The following PDGFC variants were observed in gnomAD, a reference collection of about 807,000 sequenced individuals.
PDGFC encodes platelet derived growth factor C, also known as platelet-derived growth factor C.
PDGFC carries 12 observed loss-of-function variants against 35.5 expected under a neutral mutation model. That is an observed-to-expected ratio of 0.34 (90% confidence interval 0.22 to 0.55). The LOEUF (loss-of-function observed/expected upper bound fraction) is 0.55, where lower values mean the gene tolerates loss of function less well. Ranked by LOEUF, PDGFC falls within the 20% of genes least tolerant of loss-of-function variation. The probability of loss-of-function intolerance (pLI) is 0.91; values close to 1 mark genes in which losing one functional copy is unlikely to be tolerated. For missense variants in PDGFC, 322 were observed against 412.4 expected, an observed-to-expected ratio of 0.78 and a Z score of 1.90; for synonymous variants, 159 against 148.8, an observed-to-expected ratio of 1.07 and a Z score of -0.50.
In PDGFC at chr4:156,762,003, T is replaced by C. The variant is rs1730388684; in HGVS notation, c.*1087A>G. 6.6e-6 allele frequency: 1 copy of C among 152,670 alleles called. No individual in the cohort carries two copies. 9.5% of individuals were successfully genotyped at this position (152,670 alleles called of 1,614,324 possible). A position where few individuals can be genotyped will look rare whatever the true frequency, so the allele number is the denominator to read the frequency against. ...TAGGTTAGTAATGGCTGGATCTGAA[T>C]GTCTACTTTCATAAGTTGCTTTTTA... is the stretch of plus-strand genomic sequence containing the variant. On this transcript the variant is annotated 3_prime_UTR_variant, in exon 6 of 6. Transcript: ENST00000502773.
intron 2 of PDGFC, among the ~76,000 whole-genome samples, chr4:156,831,007 A>G (rs1369906783): frequency 1.3e-5 from 2 of 152,086 alleles, no homozygotes; most frequent in Non-Finnish European, 2.9e-5. Flanking sequence ...TTACTATTCA[A>G]TGCTTTCCAG....
intron 3 of PDGFC, among the ~76,000 whole-genome samples, chr4:156,788,860 T>G (rs112121052): frequency 6.6e-6 from 1 of 152,240 alleles, no homozygotes; most frequent in African/African-American, 2.4e-5. Context: ...TTGTGCAAAA[T>G]ATTATGAAAA....
intron 1 of PDGFC, among the ~76,000 whole-genome samples, chr4:156,860,120 C>T (rs996683228): frequency 6.6e-6 from 1 of 152,120 alleles, no homozygotes; most frequent in Non-Finnish European, 1.5e-5. Context: ...ACTGAACTGA[C>T]TTTATGAGGC....
At chr4:156,805,564 C>G (rs955187727) in intron 3 of PDGFC, among the ~76,000 whole-genome samples, 2 of 151,972 alleles carry the variant, frequency 1.3e-5, no homozygotes, top group Non-Finnish European at 2.9e-5. Context: ...TTATATTGCT[C>G]TAAGTATTTT....
At chr4:156,803,727 T>A (rs1274785027) in intron 3 of PDGFC, among the ~76,000 whole-genome samples, 1 of 152,118 alleles carries the variant, frequency 6.6e-6, no homozygotes, top group African/African-American at 2.4e-5. Context: ...CAAAATTAAC[T>A]GACAAAATTA....
chr4:156,801,097 T>C (rs900088641), intron 3 of PDGFC, among the ~76,000 whole-genome samples: 2 of 152,166 alleles, frequency 1.3e-5, no homozygotes, highest in African/African-American at 4.8e-5. Flanking sequence ...ATTGGTCTTT[T>C]GGATGTCCTT....
chr4:156,844,039 C>T (rs919031378), intron 2 of PDGFC, among the ~76,000 whole-genome samples: 22 of 152,264 alleles, frequency 1.4e-4, no homozygotes, highest in African/African-American at 4.6e-4. Flanking sequence ...CAAGTCCCCA[C>T]ACTGAAAAAT....
At chr4:156,946,849 G>T (rs1471283071) in intron 1 of PDGFC, among the ~76,000 whole-genome samples, 1 of 151,966 alleles carries the variant, frequency 6.6e-6, no homozygotes, top group Middle Eastern at 3.2e-3. Context: ...AGACTTTCTT[G>T]CCCTTGAAAA....
chr4:156,901,766 C>A (rs191160416), intron 1 of PDGFC, among the ~76,000 whole-genome samples: 2 of 151,976 alleles, frequency 1.3e-5, no homozygotes, highest in Non-Finnish European at 2.9e-5. Context: ...CGGTGTACCA[C>A]CACCCTGGGC....
intron 3 of PDGFC, among the ~76,000 whole-genome samples, chr4:156,810,202 A>C (rs2110942585): frequency 6.6e-6 from 1 of 151,942 alleles, no homozygotes; most frequent in Non-Finnish European, 1.5e-5. Flanking sequence ...TTATTAAATA[A>C]ATTTAAAAAT....
At chr4:156,816,848 C>A (rs72974681) in intron 2 of PDGFC, among the ~76,000 whole-genome samples, 1 of 152,048 alleles carries the variant, frequency 6.6e-6, no homozygotes, top group African/African-American at 2.4e-5. Flanking sequence ...TCTTTTTCAG[C>A]GACTGGAGAA....
intron 1 of PDGFC, among the ~76,000 whole-genome samples, chr4:156,871,384 A>C (rs1293165793): frequency 6.6e-6 from 1 of 152,170 alleles, no homozygotes; most frequent in Non-Finnish European, 1.5e-5. Flanking sequence ...TAACCAAAAA[A>C]TTAAAGCATT....
intron 5 of PDGFC, among the ~76,000 whole-genome samples, chr4:156,766,542 T>C (rs2110793046): frequency 6.6e-6 from 1 of 152,250 alleles, no homozygotes; most frequent in East Asian, 1.9e-4. Flanking sequence ...AACTTTAAAT[T>C]TTACAAAACC....
intron 1 of PDGFC, among the ~76,000 whole-genome samples, chr4:156,965,296 G>A (rs185568116): frequency 2.2e-3 from 342 of 152,130 alleles, no homozygotes; most frequent in African/African-American, 7.9e-3. Context: ...GATACTCATC[G>A]GGCACACTCT....
intron 2 of PDGFC, among the ~76,000 whole-genome samples, chr4:156,811,389 G>A (rs1293716094): frequency 1.3e-5 from 2 of 151,978 alleles, no homozygotes; most frequent in East Asian, 3.9e-4. Context: ...TATTATTACT[G>A]CCCTTTATTT....
intron 3 of PDGFC, among the ~76,000 whole-genome samples, chr4:156,806,323 C>T (rs1378839436): frequency 1.3e-5 from 2 of 151,950 alleles, no homozygotes; most frequent in African/African-American, 4.8e-5. Flanking sequence ...GTGGCTATAA[C>T]TTCTAATTCT....
At chr4:156,909,032 T>G (rs926993917) in intron 1 of PDGFC, among the ~76,000 whole-genome samples, 3 of 152,136 alleles carry the variant, frequency 2.0e-5, no homozygotes, top group Non-Finnish European at 2.9e-5. Context: ...GAATAGGTAA[T>G]TTCTACAAAG....
chr4:156,804,529 T>C (rs1478027145), intron 3 of PDGFC, among the ~76,000 whole-genome samples: 1 of 151,960 alleles, frequency 6.6e-6, no homozygotes, highest in Non-Finnish European at 1.5e-5. Context: ...GCTCTCCACA[T>C]TCCCATCTTC....
intron 3 of PDGFC, among the ~76,000 whole-genome samples, chr4:156,808,269 G>A (rs930589463): frequency 3.3e-5 from 5 of 152,042 alleles, no homozygotes; most frequent in African/African-American, 1.2e-4. Context: ...ATGGCATTGT[G>A]CTAGGCACTC....
Sources: allele counts gnomAD v4.1 joint callset (sites outside exome capture counted in the v4.1 genomes callset), GRCh38; gene constraint gnomAD v4.1.1; transcripts MANE v1.5; gene names NCBI Gene and HGNC (gene_info 2026-07-23, HGNC 2026-07-21).